Variants in GPHN observed in about 807,000 individuals in gnomAD.
The protein encoded by GPHN is gephyrin.
GPHN carries 17 observed loss-of-function variants against 95.5 expected under a neutral mutation model. The ratio of observed to expected loss-of-function variants is 0.18; its 90% CI spans 0.12 to 0.27. The LOEUF (loss-of-function observed/expected upper bound fraction) is 0.27, where lower values mean the gene tolerates loss of function less well. Among genes scored for constraint, GPHN ranks in the 10% least tolerant of loss-of-function variants. GPHN has a pLI of 1.00. For synonymous variants in GPHN, 320 were observed against 322.5 expected (o/e 0.99, Z 0.08); for missense variants, 660 against 978.1 (o/e 0.67, Z 4.34).
intron 1 of GPHN, among the ~76,000 whole-genome samples, chr14:66,585,986 G>T (rs1175078952): frequency 6.6e-6 from 1 of 152,014 alleles, no homozygotes; most frequent in Non-Finnish European, 1.5e-5. Context: ...GTTGACAGTG[G>T]GGTGTTAAAG....
At chr14:67,562,180 C>T in the GPHN span, 19 of 1,611,464 alleles carry the variant, frequency 1.2e-5, no homozygotes, top group Admixed American at 1.3e-4. Flanking sequence ...TGCCCCCCTA[C>T]GGAGCTGCAG....
chr14:66,611,064 A>G (rs150368642), intron 1 of GPHN, among the ~76,000 whole-genome samples: 1 of 152,190 alleles, frequency 6.6e-6, no homozygotes. Flanking sequence ...CAAGCAAATA[A>G]TCTTCATCAG....
rs536291028 is a variant in GPHN at position 66,619,489 on chromosome 14, T to G, written c.65-61618T>G. 2.2e-3 allele frequency among the ~76,000 whole-genome samples: 166 copies of G among 74,762 alleles called. 4 individuals are homozygous for G. The South Asian group carries it at 0.073, about 33-fold the overall frequency. The allele number at this position is 74,762 out of a possible 152,430, so 49.0% of individuals were successfully genotyped here. On this transcript the variant is annotated intron_variant, in intron 1 of 22. Transcript: ENST00000478722. Reference sequence around the variant, plus strand: ...TAGTAATGTTGAAGATATTCTCAGGTTTTTTTTTTTTTACCATATGTATAT... The same window carrying G: ...TAGTAATGTTGAAGATATTCTCAGGGTTTTTTTTTTTTACCATATGTATAT...
intron 1 of GPHN, among the ~76,000 whole-genome samples, chr14:66,632,489 C>CTTTTTT (rs60856342): frequency 8.2e-5 from 10 of 121,992 alleles, no homozygotes; most frequent in Non-Finnish European, 1.5e-4. Context: ...ACAATACATT[C>CTTTTTT]TTTTTTTTTT....
chr14:67,459,562 C>G, the GPHN span, among the ~76,000 whole-genome samples: 1 of 152,204 alleles, frequency 6.6e-6, no homozygotes, highest in African/African-American at 2.4e-5. Context: ...TGATACCCAT[C>G]TTGAAAAGCC....
the GPHN span, among the ~76,000 whole-genome samples, chr14:67,341,396 G>T: frequency 6.6e-6 from 1 of 151,452 alleles, no homozygotes; most frequent in African/African-American, 2.4e-5. Flanking sequence ...CCCTCCGCCC[G>T]GCAGCCGCCC....
the GPHN span, among the ~76,000 whole-genome samples, chr14:67,193,205 T>C: frequency 1.4e-5 from 2 of 140,880 alleles, no homozygotes; most frequent in Non-Finnish European, 3.1e-5. Flanking sequence ...TATATATCTC[T>C]ATATAGACAT....
intron 9 of GPHN, among the ~76,000 whole-genome samples, chr14:66,977,089 C>T (rs554902814): frequency 4.6e-5 from 7 of 152,220 alleles, no homozygotes; most frequent in Non-Finnish European, 1.0e-4. Context: ...GCAATAAATT[C>T]GTATAACCTT....
intron 8 of GPHN, among the ~76,000 whole-genome samples, chr14:66,948,079 A>T (rs1394727275): frequency 6.6e-6 from 1 of 152,226 alleles, no homozygotes; most frequent in East Asian, 1.9e-4. Flanking sequence ...AATGCTAACC[A>T]TAAAACATTC....
the GPHN span, among the ~76,000 whole-genome samples, chr14:67,399,030 A>G: frequency 1.3e-5 from 2 of 152,216 alleles, no homozygotes; most frequent in African/African-American, 4.8e-5. Context: ...TTGCACGTAA[A>G]TTTTGACCTG....
intron 4 of GPHN, among the ~76,000 whole-genome samples, chr14:66,858,678 G>A (rs1223486523): frequency 6.6e-6 from 1 of 152,002 alleles, no homozygotes; most frequent in Non-Finnish European, 1.5e-5. Context: ...CACCTTAGGG[G>A]AGTAGAGCAC....
chr14:66,994,108 G>C (rs1332531415), intron 9 of GPHN, among the ~76,000 whole-genome samples: 1 of 152,170 alleles, frequency 6.6e-6, no homozygotes, highest in Non-Finnish European at 1.5e-5. Context: ...GCTCACGCCT[G>C]TAATTCCAGC....
chr14:67,328,647 C>G, the GPHN span, among the ~76,000 whole-genome samples: 28 of 152,056 alleles, frequency 1.8e-4, no homozygotes, highest in African/African-American at 6.5e-4. Flanking sequence ...CTTGAATTAA[C>G]TTTTGTATAA....
the GPHN span, among the ~76,000 whole-genome samples, chr14:67,274,439 T>C: frequency 1.1e-4 from 17 of 152,292 alleles, no homozygotes; most frequent in African/African-American, 3.8e-4. Flanking sequence ...TGTAGATGTG[T>C]GGTACTATTT....
At chr14:67,164,270 C>CAAAAAAA (rs780524695) in intron 19 of GPHN, among the ~76,000 whole-genome samples, 1 of 46,632 alleles carries the variant, frequency 2.1e-5, no homozygotes, top group Non-Finnish European at 3.9e-5. Flanking sequence ...ACTCCATCTC[C>CAAAAAAA]AAAAAAAAAA....
the GPHN span, among the ~76,000 whole-genome samples, chr14:67,494,015 A>G: frequency 6.6e-6 from 1 of 152,096 alleles, no homozygotes; most frequent in African/African-American, 2.4e-5. Context: ...AGTCCACAGG[A>G]AAGACCACCA....
At chr14:66,693,577 C>G (rs367933265) in intron 2 of GPHN, among the ~76,000 whole-genome samples, 5 of 152,116 alleles carry the variant, frequency 3.3e-5, no homozygotes, top group African/African-American at 9.6e-5. Flanking sequence ...AATTTATATC[C>G]CAGCTCCAGA....
chr14:66,729,093 C>T (rs1248653650), intron 2 of GPHN, among the ~76,000 whole-genome samples: 3 of 152,132 alleles, frequency 2.0e-5, no homozygotes, highest in African/African-American at 7.2e-5. Flanking sequence ...TCTCTCTTGG[C>T]CTGCTCCCAT....
At chr14:66,663,097 C>G (rs948147449) in intron 1 of GPHN, among the ~76,000 whole-genome samples, 1 of 152,122 alleles carries the variant, frequency 6.6e-6, no homozygotes, top group Non-Finnish European at 1.5e-5. Flanking sequence ...GCTAGACAGA[C>G]CAACATTCGA....
Sources: gnomAD v4.1 joint callset for allele counts (sites outside exome capture counted in the v4.1 genomes callset) on GRCh38, gnomAD v4.1.1 for gene constraint, MANE v1.5 for transcripts, NCBI Gene and HGNC (gene_info 2026-07-23, HGNC 2026-07-21) for gene names.